Variants in ATP1A2 observed in about 807,000 individuals in gnomAD.
ATP1A2 encodes ATPase Na+/K+ transporting subunit alpha 2.
A neutral mutation model predicts 113.1 loss-of-function variants in ATP1A2; 56 were observed. The observed-to-expected ratio is 0.49, with a 90% confidence interval of 0.40 to 0.62. The LOEUF (loss-of-function observed/expected upper bound fraction) is 0.62, where lower values mean the gene tolerates loss of function less well. Among genes scored for constraint, ATP1A2 ranks in the 20% least tolerant of loss-of-function variants. The pLI, the probability that ATP1A2 is intolerant of heterozygous loss-of-function variation, is 0.00. For synonymous variants in ATP1A2, 490 were observed against 526.8 expected (o/e 0.93, Z 0.96); for missense variants, 712 against 1,357.8 (o/e 0.52, Z 7.47).
chr1:160,125,681 C>T (rs1651565424), intron 7 of ATP1A2: 1 of 212,100 alleles, frequency 4.7e-6, no homozygotes, highest in Non-Finnish European at 9.6e-6. Flanking sequence ...TGGCCAGGGC[C>T]CCAGGGTCTG....
chr1:160,128,170 C>T (rs1651644650), intron 8 of ATP1A2, among the ~76,000 whole-genome samples: 1 of 152,194 alleles, frequency 6.6e-6, no homozygotes, highest in Non-Finnish European at 1.5e-5. Context: ...GCTCTCCTCC[C>T]TAACTCTGCT....
chr1:160,124,454 G>C lies in ATP1A2; in HGVS notation c.630+24G>C, dbSNP rs1297847564. The C allele has an allele frequency of 2.5e-6, 4 of 1,592,166 alleles. No individual in the cohort carries two copies. In the South Asian group the frequency reaches 4.6e-5, roughly 18 times the overall value. Reference sequence around the variant, plus strand: ...AGGTGAGGAGGTCATACCAGAGCAAGCAGTTGAGTCTAAGGAGAAGGCTGT... The same window carrying C: ...AGGTGAGGAGGTCATACCAGAGCAACCAGTTGAGTCTAAGGAGAAGGCTGT... On this transcript the variant is annotated intron_variant, in intron 6 of 22. Transcript: ENST00000361216.
At chr1:160,124,734 T>C (rs769319719) in intron 6 of ATP1A2, among the ~76,000 whole-genome samples, 2 of 152,222 alleles carry the variant, frequency 1.3e-5, no homozygotes, top group Non-Finnish European at 2.9e-5. Context: ...GATGTAATTC[T>C]GAAAGAGTGG....
rs766139169 is a variant in ATP1A2 at position 160,135,334 on chromosome 1, C to G, written c.2115+39C>G. 6.8e-6 allele frequency: 11 copies of G among 1,613,940 alleles called. No homozygotes were observed. The African/African-American group carries it at 9.4e-5, about 14-fold the overall frequency. ...CGGGAGGCAGATGACAGGCAGGGAC[C>G]GGGGAGGCAGGGACAGGGCCAAGAC... On this transcript the variant is annotated intron_variant, in intron 15 of 22. Coordinates refer to ENST00000361216, the MANE Select transcript of ATP1A2 (RefSeq NM_000702.4). The surrounding 1 kb of genome is among the most constrained non-coding windows in gnomAD (Gnocchi z 6.3).
At chr1:160,125,356 G>C (rs1651554318) in intron 7 of ATP1A2, 103 bp downstream of exon 7, 2 of 1,123,852 alleles carry the variant, frequency 1.8e-6, no homozygotes, top group South Asian at 2.5e-5. Flanking sequence ...CTCTGCCATT[G>C]GTGGGGCAAT....
In ATP1A2 at chr1:160,120,972, G is replaced by A. The variant is rs1443866755; in HGVS notation, c.79G>A (p.Glu27Lys). ...TGGGGGCGGCAAGAAGAAACAGAAG[G>A]AGAAGGAACTGGATGAGCTGAAGAA... ...ENGGGKKKQK[E>K]KELDELKKEV... The change falls in exon 2 of 23, where the codon GAG becomes AAG. Residue 27 changes from glutamate (E) to lysine (K), a missense_variant. By Grantham distance (56) the Glu-to-Lys change is moderately conservative (BLOSUM62 1). Transcript: ENST00000361216. 1 of 1,613,398 alleles carries A rather than the reference G, an allele frequency of 6.2e-7. No individual in the cohort carries two copies. Among genetic ancestry groups the A allele is most frequent in the East Asian group, 2.2e-5 (1 of 44,856 alleles).
chr1:160,132,677 A>G (rs566819596), intron 13 of ATP1A2, among the ~76,000 whole-genome samples: 1 of 152,246 alleles, frequency 6.6e-6, no homozygotes, highest in South Asian at 2.1e-4. Flanking sequence ...AAGGAGTTCA[A>G]TGTTGACCTT....
rs980104742 is a variant in ATP1A2 at position 160,142,629 on chromosome 1, C to T, written c.*1307C>T. 1 of 152,236 alleles carries T rather than the reference C, an allele frequency of 6.6e-6. No individual in the cohort carries two copies. Among genetic ancestry groups the T allele is most frequent in the African/African-American group, 2.4e-5 (1 of 41,430 alleles). The allele number at this position is 152,236 out of a possible 1,614,324, so 9.4% of individuals were successfully genotyped here. ...GGCGAGCCTGGCCAACATGGTGAAA[C>T]CCTGTCTCTACTAAAAGTACAAAAA... On this transcript the variant is annotated 3_prime_UTR_variant, in exon 23 of 23. Coordinates refer to ENST00000361216, the MANE Select transcript of ATP1A2 (RefSeq NM_000702.4).
intron 22 of ATP1A2, 51 bp downstream of exon 22, chr1:160,140,035 C>G: frequency 6.4e-7 from 1 of 1,569,784 alleles, no homozygotes; most frequent in South Asian, 1.1e-5. Flanking sequence ...ACCACCAGCT[C>G]CTCCCTCCAG....
intron 20 of ATP1A2, among the ~76,000 whole-genome samples, chr1:160,138,962 G>A (rs565867687): frequency 6.6e-6 from 1 of 152,100 alleles, no homozygotes; most frequent in Non-Finnish European, 1.5e-5. Context: ...ATGATAAAAA[G>A]GTAAAATCTC....
Position 160,115,814 on chromosome 1 carries a change from C to G in ATP1A2, c.-48C>G, listed in dbSNP as rs41265761. Reference sequence around the variant, plus strand: ...GACGGGCTGGTGTGGGCTTGGGATCCTCCTGGTGACCTCTCCCGCTAAGGT... The same window carrying G: ...GACGGGCTGGTGTGGGCTTGGGATCGTCCTGGTGACCTCTCCCGCTAAGGT... On this transcript the variant is annotated 5_prime_UTR_variant, in exon 1 of 23. Transcript: ENST00000361216. The G allele has an allele frequency of 5.4e-3, 8,515 of 1,576,952 alleles. 31 individuals carry two copies. Among genetic ancestry groups the G allele is most frequent in the Non-Finnish European group, 6.7e-3 (7,785 of 1,161,010 alleles).
In ATP1A2 at chr1:160,136,239, C is replaced by G; in HGVS notation, c.2440-8C>G. ...TGCCCTCCCTGCCCCATTTCCTACC[C>G]CACACAGGTCCCTGCCATCTCCTTG... is the stretch of plus-strand genomic sequence containing the variant. On this transcript the variant is annotated splice_polypyrimidine_tract_variant and splice_region_variant and intron_variant, in intron 17 of 22. Coordinates refer to ENST00000361216, the MANE Select transcript of ATP1A2 (RefSeq NM_000702.4). 6.2e-7 allele frequency: 1 copy of G among 1,614,130 alleles called. No homozygotes were observed. Among genetic ancestry groups the G allele is most frequent in the African/African-American group, 1.3e-5 (1 of 75,048 alleles).
chr1:160,133,375 AG>A (rs139318111), intron 13 of ATP1A2, among the ~76,000 whole-genome samples: 2,075 of 152,104 alleles, frequency 0.014, 40 homozygotes, highest in African/African-American at 0.047. Flanking sequence ...GGGACCATGG[AG>A]GCTTCCTTTT....
chr1:160,117,899 C>T (rs1570980849), intron 1 of ATP1A2, among the ~76,000 whole-genome samples: 1 of 151,768 alleles, frequency 6.6e-6, no homozygotes, highest in Non-Finnish European at 1.5e-5. Context: ...ACTCTCTGTT[C>T]TCCTTCAGCA....
rs548199987 is a variant in ATP1A2 at position 160,126,209 on chromosome 1, C to T, written c.748+956C>T. On this transcript the variant is annotated intron_variant, in intron 7 of 22. Coordinates refer to ENST00000361216, the MANE Select transcript of ATP1A2 (RefSeq NM_000702.4). The stretch of plus-strand genomic sequence containing the variant: ...ATCCTCAAAGGCCCTGATATGAAAT[C>T]GCATAATATTTGCATATAATCTGCG... Among the ~76,000 whole-genome samples the T allele has an allele frequency of 1.0e-3, 152 of 152,268 alleles. 2 individuals carry two copies. In the South Asian group the frequency reaches 0.016, roughly 16 times the overall value.
intron 1 of ATP1A2, among the ~76,000 whole-genome samples, chr1:160,119,347 T>C (rs532625733): frequency 1.5e-5 from 2 of 135,560 alleles, no homozygotes; most frequent in East Asian, 4.7e-4. Flanking sequence ...AAAGTTAACA[T>C]CATAGTGTGG....
At chr1:160,125,549 G>C (rs1276712625) in intron 7 of ATP1A2, 6 of 422,200 alleles carry the variant, frequency 1.4e-5, no homozygotes, top group African/African-American at 1.2e-4. Flanking sequence ...CCTTACGCAT[G>C]CGCACACACA....
At chr1:160,139,823 A>G (rs1652076400) in intron 21 of ATP1A2, 70 bp from the exon 22 acceptor site, 1 of 1,610,826 alleles carries the variant, frequency 6.2e-7, no homozygotes, top group Non-Finnish European at 8.5e-7. Flanking sequence ...GATCGCTTTG[A>G]ATGCTCCTTT....
intron 13 of ATP1A2, among the ~76,000 whole-genome samples, chr1:160,132,171 G>A (rs537888908): frequency 7.9e-5 from 12 of 152,334 alleles, no homozygotes; most frequent in African/African-American, 2.9e-4. Flanking sequence ...TCAAGATCAG[G>A]GAACAGTGTG....
Sources: gnomAD v4.1 joint callset for allele counts (sites outside exome capture counted in the v4.1 genomes callset) on GRCh38, gnomAD v4.1.1 for gene constraint, Gnocchi (gnomAD v3.1) non-coding constraint, MANE v1.5 for transcripts, NCBI Gene and HGNC (gene_info 2026-07-23, HGNC 2026-07-21) for gene names.